Variants in FMNL1 observed in about 807,000 individuals in gnomAD.
FMNL1 encodes the protein formin-like protein 1.
In FMNL1, 43 loss-of-function variants were observed where a neutral mutation model predicts 121.3. The ratio of observed to expected loss-of-function variants is 0.35; its 90% confidence interval spans 0.28 to 0.46. FMNL1 has a LOEUF of 0.46. Among genes scored for constraint, FMNL1 ranks in the 20% least tolerant of loss-of-function variants. The pLI is 1.00. For synonymous variants in FMNL1, 613 were observed against 613.5 expected (o/e 1.00, Z 0.01); for missense variants, 1,191 against 1,482.4 (o/e 0.80, Z 3.23).
chr17:45,233,087 G>C lies in FMNL1; in HGVS notation c.328-137G>C, dbSNP rs2043473729. ...TTCTGCTGGGCAGGTGTGTGGAGGT[G>C]GTGGGGGAGGCTGAGCATGAAAGGC... On this transcript the variant is annotated intron_variant, in intron 3 of 26. Transcript: ENST00000331495. This position sits in a 1 kb window ranked among gnomAD's most constrained non-coding sequence, Gnocchi z 4.1. The C allele has an allele frequency of 2.6e-6, 2 of 778,264 alleles. No homozygotes were observed. The highest frequency in any genetic ancestry group is 2.0e-5 in the Admixed American group (1 of 49,724). The allele number at this position is 778,264 out of a possible 1,614,324, so 48.2% of individuals were successfully genotyped here.
chr17:45,245,101 G>A lies in FMNL1; in HGVS notation c.2721G>A (p.Ala907=), dbSNP rs764735089. ...GCGACCTGCACTTCCTGGACAAGGC[G>A]GGCTCAGGTAGGAGACACACAGATC... ...FHSDLHFLDK[A]GSVSLDSVLA... Residue 907 remains alanine (A), a synonymous_variant, in exon 21 of 27, where the codon GCG becomes GCA. Transcript: ENST00000331495. 9.3e-6 allele frequency: 15 copies of A among 1,613,986 alleles called. No homozygotes were observed. In the African/African-American group the frequency reaches 9.3e-5, roughly 10 times the overall value.
At chr17:45,240,793 G>T in intron 12 of FMNL1, 168 bp downstream of exon 12, 2 of 1,017,384 alleles carry the variant, frequency 2.0e-6, no homozygotes, top group South Asian at 1.7e-5. Context: ...GCCTGAATCT[G>T]TTGGGTGTCT....
chr17:45,236,073 G>C, intron 6 of FMNL1, 63 bp from the exon 7 acceptor site: 2 of 1,356,960 alleles, frequency 1.5e-6, no homozygotes, highest in East Asian at 2.4e-5. Context: ...GAGGCTGAGT[G>C]GTGGGGAAAC....
At position 45,236,229 on chromosome 17, in the gene FMNL1, C is replaced by T; in HGVS notation, c.708C>T (p.Ala236=). The T allele has an allele frequency of 1.2e-6, 2 of 1,613,928 alleles. No homozygotes were observed. The highest frequency in any genetic ancestry group is 2.2e-5 in the South Asian group (2 of 91,076). Residue 236 remains alanine, a synonymous_variant, in exon 7 of 27, where the codon GCC becomes GCT. Coordinates refer to ENST00000331495, the MANE Select transcript of FMNL1 (RefSeq NM_005892.4). ...ACGTCTGTATTATGTGCCTACGCGC[C>T]ATCATGAACTACCAGGTCAGCCGAG... ...DVHVCIMCLR[A]IMNYQSGFSL...
chr17:45,226,298 C>T (rs1052362159), intron 1 of FMNL1, among the ~76,000 whole-genome samples: 1 of 152,210 alleles, frequency 6.6e-6, no homozygotes, highest in Admixed American at 6.5e-5. Context: ...TCCACTTCCC[C>T]CTGAGAGAGG....
chr17:45,239,738 G>A (rs1037773027), intron 11 of FMNL1, among the ~76,000 whole-genome samples: 13 of 152,034 alleles, frequency 8.6e-5, no homozygotes, highest in African/African-American at 2.9e-4. Context: ...GGTACAACAT[G>A]GGTGAGCCTT....
At chr17:45,226,239 C>T (rs983862077) in intron 1 of FMNL1, among the ~76,000 whole-genome samples, 1 of 152,152 alleles carries the variant, frequency 6.6e-6, no homozygotes, top group South Asian at 2.1e-4. Context: ...GGTGGGGCAG[C>T]GATGGTGCTA....
chr17:45,230,730 C>A, intron 2 of FMNL1, 43 bp downstream of exon 2: 1 of 1,599,622 alleles, frequency 6.3e-7, no homozygotes, highest in South Asian at 1.1e-5. Context: ...CTCCCACTGT[C>A]AGTACCCCAC....
Position 45,237,890 on chromosome 17 carries a change from A to G in FMNL1, c.894+251A>G, listed in dbSNP as rs1317524696. 4.7e-6 allele frequency: 2 copies of G among 429,578 alleles called. No individual in the cohort carries two copies. Among genetic ancestry groups the G allele is most frequent in the East Asian group, 8.8e-5 (2 of 22,632 alleles). The allele number at this position is 429,578 out of a possible 1,614,324, so 26.6% of individuals were successfully genotyped here. A position where few individuals can be genotyped will look rare whatever the true frequency, so the allele number is the denominator to read the frequency against. On this transcript the variant is annotated intron_variant, in intron 9 of 26. Coordinates refer to ENST00000331495, the MANE Select transcript of FMNL1 (RefSeq NM_005892.4). The surrounding 1 kb of genome is among the most constrained non-coding windows in gnomAD (Gnocchi z 4.4). Reference sequence around the variant, plus strand: ...AGGGACAACTACAGGGACCTGCTGAACCTCTGACTCAGCCTTGCCAGATCC... The same window carrying G: ...AGGGACAACTACAGGGACCTGCTGAGCCTCTGACTCAGCCTTGCCAGATCC...
chr17:45,224,868 T>C (rs2043300761), intron 1 of FMNL1, among the ~76,000 whole-genome samples: 1 of 152,204 alleles, frequency 6.6e-6, no homozygotes, highest in Non-Finnish European at 1.5e-5. Context: ...GCTGTGATGG[T>C]GGGAACACCA....
At chr17:45,236,507 C>T (rs2043553654) in intron 7 of FMNL1, 2 of 349,132 alleles carry the variant, frequency 5.7e-6, no homozygotes, top group South Asian at 1.1e-4. Flanking sequence ...ACTGGGCTCA[C>T]CTACCAAGAA....
intron 17 of FMNL1, 58 bp from the exon 18 acceptor site, chr17:45,243,733 C>T: frequency 1.3e-6 from 2 of 1,512,958 alleles, no homozygotes; most frequent in South Asian, 2.3e-5. Context: ...GGTAGCCCTG[C>T]TCCCAGGGAC....
chr17:45,238,618 G>A lies in FMNL1; in HGVS notation c.949G>A (p.Asp317Asn), dbSNP rs2043605430. 1.2e-6 allele frequency: 2 copies of A among 1,614,078 alleles called. No homozygotes were observed. The highest frequency in any genetic ancestry group is 1.7e-5 in the Admixed American group (1 of 60,010). ...EKLMEYFRNE[D>N]SNIDFMVACM... is the part of the protein sequence containing the mutation. Reference sequence around the variant, plus strand: ...GCTGATGGAATATTTCCGGAATGAGGACAGCAACATCGACTTCATGGTGAG... The same window carrying A: ...GCTGATGGAATATTTCCGGAATGAGAACAGCAACATCGACTTCATGGTGAG... The change falls in exon 10 of 27, where the codon GAC becomes AAC. Residue 317 changes from aspartate (D) to asparagine (N), a missense_variant. By Grantham distance (23) the Asp-to-Asn change is conservative (BLOSUM62 1). This residue lies in a region of FMNL1 where 253 missense variants were observed against 417.5 expected (regional missense o/e 0.61). Coordinates refer to ENST00000331495, the MANE Select transcript of FMNL1 (RefSeq NM_005892.4).
rs2043239269 is a variant in FMNL1 at position 45,222,179 on chromosome 17, C to G, written c.55C>G (p.Pro19Ala). 1.6e-6 allele frequency: 2 copies of G among 1,234,028 alleles called. No homozygotes were observed. The highest frequency in any genetic ancestry group is 3.2e-5 in the African/African-American group (2 of 62,684). The allele number at this position is 1,234,028 out of a possible 1,614,324, so 76.4% of individuals were successfully genotyped here. ...GCCCGCGGGCCCCGCCGCGCCGCCC[C>G]CCAAGCAGCCCGCGCCTCCCAAGCA... ...EQPAGPAAPP[P>A]KQPAPPKQPM... is the part of the protein sequence containing the mutation. Residue 19 changes from proline (P) to alanine (A), a missense_variant, in exon 1 of 27, where the codon CCC becomes GCC. By Grantham distance (27) the Pro-to-Ala change is conservative. This residue lies in a region of FMNL1 where 52 missense variants were observed against 43.4 expected (regional missense o/e 1.20). Coordinates refer to ENST00000331495, the MANE Select transcript of FMNL1 (RefSeq NM_005892.4).
rs775311487 is a variant in FMNL1, at chr17:45,237,567, G to A, written c.822G>A (p.Glu274=). The change falls in exon 9 of 27, where the codon GAG becomes GAA. Residue 274 remains glutamate (E), a synonymous_variant. Transcript: ENST00000331495. The surrounding 1 kb of genome is among the most constrained non-coding windows in gnomAD (Gnocchi z 4.4). ...KNPRTKALVL[E]LLAAVCLVRG... Reference sequence around the variant, plus strand: ...CCAGAACCAAGGCTCTGGTGCTGGAGCTGCTGGCGGCCGTGTGCTTGGTGC... The same window carrying A: ...CCAGAACCAAGGCTCTGGTGCTGGAACTGCTGGCGGCCGTGTGCTTGGTGC... The A allele has an allele frequency of 8.1e-6, 13 of 1,614,076 alleles. No homozygotes were observed. Among genetic ancestry groups the A allele is most frequent in the Admixed American group, 3.3e-5 (2 of 60,004 alleles).
In FMNL1 at chr17:45,237,626, A is replaced by G. The variant is rs755368952; in HGVS notation, c.881A>G (p.Asp294Gly). Residue 294 changes from aspartate (D) to glycine (G), a missense_variant, in exon 9 of 27, where the codon GAC becomes GGC. Physicochemically the swap from Asp to Gly is moderately conservative, Grantham distance 94. This residue lies in a region of FMNL1 where 253 missense variants were observed against 417.5 expected (regional missense o/e 0.61). Coordinates refer to ENST00000331495, the MANE Select transcript of FMNL1 (RefSeq NM_005892.4). The surrounding 1 kb of genome is among the most constrained non-coding windows in gnomAD (Gnocchi z 4.4). Reference sequence around the variant, plus strand: ...CATGACATCATCCTTGCAGCCTTTGACAACTTCAAGGAGGTACCGGAGTCC... The same window carrying G: ...CATGACATCATCCTTGCAGCCTTTGGCAACTTCAAGGAGGTACCGGAGTCC... Reference protein sequence around the residue: ...GGHDIILAAFDNFKEVCGEQH... With the variant: ...GGHDIILAAFGNFKEVCGEQH... 20 of 1,614,074 alleles carry G rather than the reference A, an allele frequency of 1.2e-5. No individual in the cohort carries two copies. The highest frequency in any genetic ancestry group is 1.7e-5 in the Non-Finnish European group (20 of 1,179,998).
At chr17:45,227,326 A>G (rs2043350044) in intron 1 of FMNL1, among the ~76,000 whole-genome samples, 1 of 151,940 alleles carries the variant, frequency 6.6e-6, no homozygotes, top group African/African-American at 2.4e-5. Flanking sequence ...TCTCAGAAGT[A>G]AGCACTGGTG....
At chr17:45,222,303 C>A (rs923102270) in intron 1 of FMNL1, 50 bp downstream of exon 1, 20 of 1,144,280 alleles carry the variant, frequency 1.7e-5, no homozygotes, top group Non-Finnish European at 2.1e-5. Flanking sequence ...GCGGCAGGGG[C>A]GCGGCAGGGG....
At chr17:45,226,806 C>T (rs2143206418) in intron 1 of FMNL1, among the ~76,000 whole-genome samples, 1 of 152,110 alleles carries the variant, frequency 6.6e-6, no homozygotes, top group Admixed American at 6.5e-5. Context: ...TGGCTTCCAC[C>T]CTGCTTGCCC....
Sources: allele counts gnomAD v4.1 joint callset (sites outside exome capture counted in the v4.1 genomes callset), GRCh38; gene constraint gnomAD v4.1.1; regional missense constraint gnomAD v4.1.1; non-coding constraint Gnocchi (gnomAD v3.1); transcripts MANE v1.5; gene names NCBI Gene and HGNC (gene_info 2026-07-23, HGNC 2026-07-21).